The following NCOR2 variants were observed in gnomAD, a reference collection of about 807,000 sequenced individuals.
NCOR2 encodes nuclear receptor corepressor 2.
NCOR2 carries 81 observed loss-of-function variants against 262.9 expected under a neutral mutation model. The observed-to-expected ratio is 0.31, with a 90% CI of 0.26 to 0.37. NCOR2 has a LOEUF of 0.37. Among genes scored for constraint, NCOR2 ranks in the 10% least tolerant of loss-of-function variants. The probability of loss-of-function intolerance (pLI) is 1.00; values close to 1 mark genes in which losing one functional copy is unlikely to be tolerated. For missense variants in NCOR2, 3,385 were observed against 3,621.4 expected, an observed-to-expected ratio of 0.93 and a Z score of 1.68; for synonymous variants, 1,659 against 1,559.3, an observed-to-expected ratio of 1.06 and a Z score of -1.51.
chr12:124,402,414 C>T, exon 14 of NCOR2: 1 of 1,614,142 alleles, frequency 6.2e-7, no homozygotes, highest in Non-Finnish European at 8.5e-7. Flanking sequence ...TTGAGGAGGT[C>T]TTCCTTGTCG....
intron 13 of NCOR2, among the ~76,000 whole-genome samples, chr12:124,417,028 C>T (rs977110117): frequency 2.0e-5 from 3 of 149,902 alleles, no homozygotes; most frequent in Non-Finnish European, 4.4e-5. Context: ...CAGAGCAAGC[C>T]GGACACTCAC....
chr12:124,340,749 T>A, exon 35 of NCOR2: 1 of 1,537,864 alleles, frequency 6.5e-7, no homozygotes, highest in Non-Finnish European at 8.7e-7. Context: ...AGGTCGATGA[T>A]GCCTGCGGGA....
At position 124,531,693 on chromosome 12, in the gene NCOR2, G is replaced by A. The variant is rs997787362; in HGVS notation, c.-118+3872C>T. 2.0e-5 allele frequency among the ~76,000 whole-genome samples: 3 copies of A among 151,920 alleles called. No individual in the cohort carries two copies. Among genetic ancestry groups the A allele is most frequent in the East Asian group, 1.9e-4 (1 of 5,180 alleles). ...CCACCCAAGCAGGGCCCAGGGCCCC[G>A]TCCAACTGGGGTTAAAGCCGGTCCT... On this transcript the variant is annotated intron_variant, in intron 1 of 46. Transcript: ENST00000404621. The surrounding 1 kb of genome is among the most constrained non-coding windows in gnomAD (Gnocchi z 4.5).
At chr12:124,376,223 C>T (rs2039981151) in intron 18 of NCOR2, among the ~76,000 whole-genome samples, 1 of 152,236 alleles carries the variant, frequency 6.6e-6, no homozygotes, top group Non-Finnish European at 1.5e-5. Flanking sequence ...GCTCCAGCCA[C>T]CTCAGCCCTC....
Position 124,400,684 on chromosome 12 carries a change from G to A in NCOR2, c.1641-11C>T, listed in dbSNP as rs778728501. 1.9e-6 allele frequency: 3 copies of A among 1,612,492 alleles called. No homozygotes were observed. The highest frequency in any genetic ancestry group is 1.1e-5 in the South Asian group (1 of 91,064). Reference sequence around the variant, plus strand: ...TCGTCTGTCTTCTCCCTACAGGCCAGAGAGGGGAGATAGGATGGCTTCACC... The same window carrying A: ...TCGTCTGTCTTCTCCCTACAGGCCAAAGAGGGGAGATAGGATGGCTTCACC... On this transcript the variant is annotated splice_polypyrimidine_tract_variant and intron_variant, in intron 14 of 46. Coordinates refer to ENST00000405201, the Ensembl canonical transcript of NCOR2.
intron 1 of NCOR2, among the ~76,000 whole-genome samples, chr12:124,492,551 C>T (rs1002278093): frequency 5.3e-5 from 8 of 152,110 alleles, no homozygotes; most frequent in African/African-American, 1.4e-4. Context: ...TGAGGCATCC[C>T]GTGGATCCCA....
chr12:124,354,138 C>A, exon 27 of NCOR2: 1 of 1,610,528 alleles, frequency 6.2e-7, no homozygotes, highest in South Asian at 1.1e-5. Flanking sequence ...CCGAGGGCAC[C>A]CGTGTGCTGG....
chr12:124,325,376 C>CGGGGGGGGGGGGG, exon 47 of NCOR2: 1 of 426,504 alleles, frequency 2.3e-6, no homozygotes, highest in Non-Finnish European at 3.4e-6. Context: ...GACCTGACAC[C>CGGGGGGGGGGGGG]GCCCCCCCCC....
chr12:124,565,336 G>A (rs1021415824), intron 1 of NCOR2, among the ~76,000 whole-genome samples: 3 of 152,178 alleles, frequency 2.0e-5, no homozygotes, highest in Non-Finnish European at 2.9e-5. Flanking sequence ...GGACACGGCA[G>A]GCGGCTCAGG....
chr12:124,527,246 G>A (rs1003290155), intron 1 of NCOR2, among the ~76,000 whole-genome samples: 1 of 152,144 alleles, frequency 6.6e-6, no homozygotes, highest in Non-Finnish European at 1.5e-5. Flanking sequence ...ACGCCCTGTA[G>A]GGTGAGATGG....
chr12:124,377,192 T>G (rs544467887), intron 18 of NCOR2, among the ~76,000 whole-genome samples: 157 of 152,318 alleles, frequency 1.0e-3, no homozygotes, highest in African/African-American at 3.4e-3. Flanking sequence ...GTCACAGTCC[T>G]GCATTTGAGG....
In NCOR2 at chr12:124,532,905, C is replaced by G. The variant is rs1452345484; in HGVS notation, c.-118+2660G>C. 2.8e-5 allele frequency among the ~76,000 whole-genome samples: 4 copies of G among 144,246 alleles called. No individual in the cohort carries two copies. In the East Asian group the frequency reaches 8.5e-4, roughly 31 times the overall value. 94.6% of individuals were successfully genotyped at this position (144,246 alleles called of 152,430 possible). On this transcript the variant is annotated intron_variant, in intron 1 of 46. Coordinates refer to the NCOR2 transcript ENST00000404621. The stretch of plus-strand genomic sequence containing the variant: ...CTCCAAATCCCACTCCTCTTTCCCC[C>G]CTCCCTCCAAGTCCCACTCCTCCTT...
rs557372255 is a variant in NCOR2, at chr12:124,531,598, G to T, written c.-118+3967C>A. On this transcript the variant is annotated intron_variant, in intron 1 of 46. Coordinates refer to the NCOR2 transcript ENST00000404621. The surrounding 1 kb of genome is among the most constrained non-coding windows in gnomAD (Gnocchi z 4.5). ...CATCCAGGCTGGGAAGGAGAGAGAGGAGGATGGCAGAGAGGGAAGGGTGGT... is the reference window on the plus strand; with the variant it reads ...CATCCAGGCTGGGAAGGAGAGAGAGTAGGATGGCAGAGAGGGAAGGGTGGT... Among the ~76,000 whole-genome samples, 5 of 152,154 alleles carry T rather than the reference G, an allele frequency of 3.3e-5. No homozygotes were observed. Among genetic ancestry groups the T allele is most frequent in the African/African-American group, 9.6e-5 (4 of 41,518 alleles).
chr12:124,480,655 G>A (rs1397645307), intron 3 of NCOR2, among the ~76,000 whole-genome samples: 4 of 152,046 alleles, frequency 2.6e-5, no homozygotes, highest in Non-Finnish European at 4.4e-5. Flanking sequence ...CACTGGAGGC[G>A]TGGCAGGCCC....
At chr12:124,349,760 C>A (rs780078880) in intron 28 of NCOR2, among the ~76,000 whole-genome samples, 5 of 152,178 alleles carry the variant, frequency 3.3e-5, no homozygotes, top group Admixed American at 6.5e-5. Flanking sequence ...ACCCAGTGAC[C>A]TCTCAAGACA....
At chr12:124,327,138 C>T (rs1213150832) in intron 45 of NCOR2, among the ~76,000 whole-genome samples, 4 of 151,942 alleles carry the variant, frequency 2.6e-5, no homozygotes, top group Admixed American at 6.6e-5. Flanking sequence ...GACTGGGGGG[C>T]GGACAGCAGT....
At chr12:124,330,517 C>T (rs560867085) in intron 44 of NCOR2, among the ~76,000 whole-genome samples, 18 of 152,350 alleles carry the variant, frequency 1.2e-4, no homozygotes, top group Non-Finnish European at 2.4e-4. Flanking sequence ...GCCCACCCCT[C>T]GTCCAGACAT....
At chr12:124,479,495 A>G (rs1266294973) in intron 3 of NCOR2, among the ~76,000 whole-genome samples, 6 of 151,276 alleles carry the variant, frequency 4.0e-5, no homozygotes, top group Admixed American at 2.0e-4. Flanking sequence ...ACACAGGCAC[A>G]TGCGCGCATA....
intron 24 of NCOR2, 24 bp from the exon 27 acceptor site, chr12:124,354,963 C>G: frequency 1.9e-6 from 3 of 1,598,054 alleles, no homozygotes. Context: ...GTTGTGGGGT[C>G]ACAGGGGCAC....
Sources: gnomAD v4.1 joint callset for allele counts (sites outside exome capture counted in the v4.1 genomes callset) on GRCh38, gnomAD v4.1.1 for gene constraint, Gnocchi (gnomAD v3.1) non-coding constraint, MANE v1.5 for transcripts, NCBI Gene and HGNC (gene_info 2026-07-23, HGNC 2026-07-21) for gene names.